Variants in FCHSD1 observed in about 807,000 individuals in gnomAD.
FCHSD1 encodes FCH and double SH3 domains 1, also known as F-BAR and double SH3 domains protein 1.
FCHSD1 carries 109 observed loss-of-function variants against 101.3 expected under a neutral mutation model. That is an observed-to-expected ratio of 1.08 (90% confidence interval 0.92 to 1.26). The LOEUF (loss-of-function observed/expected upper bound fraction) is 1.26. Among genes scored for constraint, FCHSD1 ranks in the 50% most tolerant of loss-of-function variants. The pLI, the probability that FCHSD1 is intolerant of heterozygous loss-of-function variation, is 0.00. For synonymous variants in FCHSD1, 291 were observed against 356.8 expected (o/e 0.82, Z 2.08); for missense variants, 820 against 895.8 (o/e 0.92, Z 1.08).
chr5:141,651,280 T>G (rs888781441), intron 1 of FCHSD1, 68 bp downstream of exon 1: 4 of 1,549,754 alleles, frequency 2.6e-6, no homozygotes, highest in Non-Finnish European at 3.5e-6. Flanking sequence ...CTACCACAAG[T>G]CGGATGCCCC....
Position 141,640,340 on chromosome 5 carries a change from C to G in FCHSD1, c.*1158G>C, listed in dbSNP as rs755741628. On this transcript the variant is annotated 3_prime_UTR_variant, in exon 20 of 20. Transcript: ENST00000435817. ...ACTGCACTGGGCTGGGCTCTTATTGCTCTCTACTCTGGGGGGCACTGATAG... is the reference window on the plus strand; with the variant it reads ...ACTGCACTGGGCTGGGCTCTTATTGGTCTCTACTCTGGGGGGCACTGATAG... The G allele has an allele frequency of 7.4e-6, 12 of 1,613,996 alleles. No individual in the cohort carries two copies. The highest frequency in any genetic ancestry group is 9.3e-6 in the Non-Finnish European group (11 of 1,179,918).
At position 141,640,098 on chromosome 5, in the gene FCHSD1, C is replaced by T; in HGVS notation, c.*1400G>A. Reference sequence around the variant, plus strand: ...GGAGAGGCTGCCCCCTGAGAGGCCACAGCCCCAGGTCCTAGCCAGCCCCCC... The same window carrying T: ...GGAGAGGCTGCCCCCTGAGAGGCCATAGCCCCAGGTCCTAGCCAGCCCCCC... On this transcript the variant is annotated 3_prime_UTR_variant, in exon 20 of 20. Transcript: ENST00000435817. 6.2e-7 allele frequency: 1 copy of T among 1,613,652 alleles called. No individual in the cohort carries two copies. Among genetic ancestry groups the T allele is most frequent in the Non-Finnish European group, 8.5e-7 (1 of 1,179,798 alleles).
In FCHSD1 at chr5:141,645,771, G is replaced by C; in HGVS notation, c.1311C>G (p.Thr437=). ...GGGTAGTGTTGGGGGAGGAGCTCACGGTTGGAGAGAGGTCCCTCTGGGACA... is the reference window on the plus strand; with the variant it reads ...GGGTAGTGTTGGGGGAGGAGCTCACCGTTGGAGAGAGGTCCCTCTGGGACA... ...ARLSQRDLSP[T]AEDAELSDFE... The change falls in exon 13 of 20, where the codon ACC becomes ACG. Residue 437 remains threonine, a splice_region_variant and synonymous_variant. Coordinates refer to ENST00000435817, the MANE Select transcript of FCHSD1 (RefSeq NM_033449.3). The C allele has an allele frequency of 6.2e-7, 1 of 1,611,266 alleles. No individual in the cohort carries two copies. Among genetic ancestry groups the C allele is most frequent in the Non-Finnish European group, 8.5e-7 (1 of 1,178,550 alleles).
At position 141,651,019 on chromosome 5, in the gene FCHSD1, C is replaced by T. The variant is rs1192752445; in HGVS notation, c.119+1G>A. ...TAAATGAAGGGGGTTGGGGGAGCTA[C>T]CTGATGTCCTCCAGCAGATCCGCCT... is the stretch of plus-strand genomic sequence containing the variant. On this transcript the variant is annotated splice_donor_variant, in intron 2 of 19. Coordinates refer to ENST00000435817, the MANE Select transcript of FCHSD1 (RefSeq NM_033449.3). LOFTEE classifies it high-confidence loss of function. 2 of 1,582,862 alleles carry T rather than the reference C, an allele frequency of 1.3e-6. No homozygotes were observed. The highest frequency in any genetic ancestry group is 1.7e-6 in the Non-Finnish European group (2 of 1,163,556).
At position 141,643,044 on chromosome 5, in the gene FCHSD1, AG is replaced by A; in HGVS notation, c.1907del (p.Pro636LeufsTer27). 1 of 1,551,178 alleles carries A rather than the reference AG, an allele frequency of 6.4e-7. No homozygotes were observed. Among genetic ancestry groups the A allele is most frequent in the Non-Finnish European group, 8.7e-7 (1 of 1,150,282 alleles). On this transcript the variant is annotated frameshift_variant, in exon 18 of 20. Transcript: ENST00000435817. LOFTEE classifies it high-confidence loss of function. ...PSPPSFSPPA[P>X]TSVLDGPPAP... ...CAGGGGGCCCATCCAACACAGAGGT[AG>A]GTGCAGGTGGGGAGAAGCTGGGAGG...
At chr5:141,643,312 T>C (rs2099907205) in intron 17 of FCHSD1, among the ~76,000 whole-genome samples, 1 of 152,068 alleles carries the variant, frequency 6.6e-6, no homozygotes, top group Non-Finnish European at 1.5e-5. Context: ...ACTTCACGTG[T>C]ACCAATTCAT....
rs568147191 is a variant in FCHSD1 at position 141,646,812 on chromosome 5, G to C, written c.925-90C>G. ...TTTTCCACTCTATCTTGACCTCCAA[G>C]GACAAGGACAAAGAGAAAGGGGCAC... On this transcript the variant is annotated intron_variant, in intron 10 of 19. Coordinates refer to ENST00000435817, the MANE Select transcript of FCHSD1 (RefSeq NM_033449.3). 82 of 1,507,470 alleles carry C rather than the reference G, an allele frequency of 5.4e-5. No individual in the cohort carries two copies. The East Asian group carries it at 2.0e-3, about 37-fold the overall frequency. The allele number at this position is 1,507,470 out of a possible 1,614,324, so 93.4% of individuals were successfully genotyped here.
At position 141,646,440 on chromosome 5, in the gene FCHSD1, C is replaced by T. The variant is rs1365717520; in HGVS notation, c.1044+163G>A. ...AATTTGAACCTATGTCGGTCTAGCT[C>T]CAAAAACTGTGCTCTTAACTATTGT... On this transcript the variant is annotated intron_variant, in intron 11 of 19. Transcript: ENST00000435817. 16 of 1,202,294 alleles carry T rather than the reference C, an allele frequency of 1.3e-5. No homozygotes were observed. In the Middle Eastern group the frequency reaches 8.4e-4, roughly 63 times the overall value. 74.5% of individuals were successfully genotyped at this position (1,202,294 alleles called of 1,614,324 possible).
rs778704986 is a variant in FCHSD1, at chr5:141,649,259, C to G, written c.425G>C (p.Arg142Pro). The change falls in exon 6 of 20, where the codon CGG becomes CCG. Residue 142 changes from arginine (R) to proline (P), a missense_variant. Transcript: ENST00000435817. The surrounding 1 kb of genome is among the most constrained non-coding windows in gnomAD (Gnocchi z 4.1). ...CAGCTTCCGACTTCGGCTCAGCTCC[C>G]GGACAGACTGCAGCACCTCAGCCTG... Reference protein sequence around the residue: ...RAQAEVLQSVRELSRSRKLYG... With the variant: ...RAQAEVLQSVPELSRSRKLYG... 1.9e-6 allele frequency: 3 copies of G among 1,614,006 alleles called. No individual in the cohort carries two copies. Among genetic ancestry groups the G allele is most frequent in the South Asian group, 2.2e-5 (2 of 91,088 alleles).
rs2099906724 is a variant in FCHSD1, at chr5:141,640,464, TAA to T, written c.*1032_*1033del. ...ATGTGAGGTGAGTCTGCCTGAGCCC[TAA>T]ATGAGGTAATCTCATCTTCCCATCA... On this transcript the variant is annotated 3_prime_UTR_variant, in exon 20 of 20. Coordinates refer to ENST00000435817, the MANE Select transcript of FCHSD1 (RefSeq NM_033449.3). 1 of 1,613,978 alleles carries T rather than the reference TAA, an allele frequency of 6.2e-7. No homozygotes were observed. Among genetic ancestry groups the T allele is most frequent in the African/African-American group, 1.3e-5 (1 of 74,896 alleles).
intron 18 of FCHSD1, chr5:141,642,682 T>TA: frequency 3.7e-6 from 2 of 547,200 alleles, no homozygotes; most frequent in Non-Finnish European, 6.4e-6. Context: ...ACTGCATACT[T>TA]ACTGTGTGCC....
rs1217685968 is a variant in FCHSD1 at position 141,647,534 on chromosome 5, C to G, written c.706-14G>C. On this transcript the variant is annotated splice_polypyrimidine_tract_variant and intron_variant, in intron 8 of 19. Transcript: ENST00000435817. ...ACTGACCAGGGCCTAGAGAGAACCC[C>G]AAGATACTGACACCACCCTTCCCCC... The G allele has an allele frequency of 6.2e-7, 1 of 1,611,090 alleles. No individual in the cohort carries two copies. Among genetic ancestry groups the G allele is most frequent in the Admixed American group, 1.7e-5 (1 of 59,168 alleles).
intron 19 of FCHSD1, 21 bp from the exon 20 acceptor site, chr5:141,641,584 G>C (rs754961732): frequency 1.9e-6 from 3 of 1,580,186 alleles, no homozygotes; most frequent in Admixed American, 3.6e-5. Context: ...CACACAGTTA[G>C]TGCTCCAGAG....
At position 141,640,103 on chromosome 5, in the gene FCHSD1, C is replaced by A. The variant is rs749774266; in HGVS notation, c.*1395G>T. The A allele has an allele frequency of 1.2e-6, 2 of 1,613,682 alleles. No homozygotes were observed. The highest frequency in any genetic ancestry group is 4.5e-5 in the East Asian group (2 of 44,864). ...GGCTGCCCCCTGAGAGGCCACAGCC[C>A]CAGGTCCTAGCCAGCCCCCCAGTAC... On this transcript the variant is annotated 3_prime_UTR_variant, in exon 20 of 20. Coordinates refer to ENST00000435817, the MANE Select transcript of FCHSD1 (RefSeq NM_033449.3).
chr5:141,646,282 C>A (rs2099907641), intron 11 of FCHSD1, 91 bp from the exon 12 acceptor site: 1 of 1,178,172 alleles, frequency 8.5e-7, no homozygotes, highest in African/African-American at 1.5e-5. Context: ...GCATCACATA[C>A]ATTATGTCAT....
chr5:141,644,514 AC>A, intron 16 of FCHSD1, 58 bp downstream of exon 16: 1 of 1,608,662 alleles, frequency 6.2e-7, no homozygotes. Flanking sequence ...CAGGGCTACA[AC>A]CCCTAACAAT....
At chr5:141,642,320 ATGGAAAT>A in intron 18 of FCHSD1, 1 of 634,020 alleles carries the variant, frequency 1.6e-6, no homozygotes. Flanking sequence ...GGACATAGAG[ATGGAAAT>A]AACAGACTCC....
intron 8 of FCHSD1, chr5:141,647,728 T>A (rs2099907832): frequency 1.0e-6 from 1 of 964,628 alleles, no homozygotes; most frequent in East Asian, 2.7e-5. Flanking sequence ...ACTAGTGCTA[T>A]AAGATAGGCA....
Position 141,640,516 on chromosome 5 carries a change from C to A in FCHSD1, c.*982G>T. ...ACCTACTTAAACTATTTAAGCCTTT[C>A]GGCTCCCTGAACCCCCCGAGTAAAC... On this transcript the variant is annotated 3_prime_UTR_variant, in exon 20 of 20. Coordinates refer to ENST00000435817, the MANE Select transcript of FCHSD1 (RefSeq NM_033449.3). 6.2e-7 allele frequency: 1 copy of A among 1,611,410 alleles called. No homozygotes were observed. The highest frequency in any genetic ancestry group is 8.5e-7 in the Non-Finnish European group (1 of 1,178,542).
Sources: gnomAD v4.1 joint callset for allele counts (sites outside exome capture counted in the v4.1 genomes callset) on GRCh38, gnomAD v4.1.1 for gene constraint, Gnocchi (gnomAD v3.1) non-coding constraint, MANE v1.5 for transcripts, NCBI Gene and HGNC (gene_info 2026-07-23, HGNC 2026-07-21) for gene names.